The following XRCC1 variants were observed in gnomAD, a reference collection of about 807,000 sequenced individuals.
The protein encoded by XRCC1 is DNA repair protein XRCC1.
In XRCC1, 52 loss-of-function variants were observed where a neutral mutation model predicts 83.3. The ratio of observed to expected loss-of-function variants is 0.62; its 90% CI spans 0.50 to 0.79. XRCC1 has a LOEUF of 0.79. Ranked by LOEUF, XRCC1 falls within the 30% of genes least tolerant of loss-of-function variation. The pLI, the probability that XRCC1 is intolerant of heterozygous loss-of-function variation, is 0.00. For missense variants in XRCC1, 793 were observed against 823.5 expected, an observed-to-expected ratio of 0.96 and a Z score of 0.45; for synonymous variants, 281 against 312.6, an observed-to-expected ratio of 0.90 and a Z score of 1.07.
intron 2 of XRCC1, among the ~76,000 whole-genome samples, chr19:43,569,222 C>T (rs541822311): frequency 2.0e-5 from 3 of 152,068 alleles, no homozygotes; most frequent in African/African-American, 7.2e-5. Flanking sequence ...TCTGTAATCC[C>T]AAGGATTTAA....
intron 10 of XRCC1, among the ~76,000 whole-genome samples, chr19:43,548,336 G>C (rs1030492170): frequency 6.6e-6 from 1 of 152,216 alleles, no homozygotes; most frequent in African/African-American, 2.4e-5. Context: ...ATAGAAAAGG[G>C]GGAAAGGTGG....
At chr19:43,547,018 A>C (rs1972519721) in intron 10 of XRCC1, 41 bp from the exon 11 acceptor site, 2 of 1,597,894 alleles carry the variant, frequency 1.3e-6, no homozygotes, top group Middle Eastern at 1.7e-4. Context: ...GGCCCAAGGG[A>C]AGTGGGGAGG....
At chr19:43,563,271 G>C (rs1972719120) in intron 2 of XRCC1, among the ~76,000 whole-genome samples, 1 of 152,208 alleles carries the variant, frequency 6.6e-6, no homozygotes, top group African/African-American at 2.4e-5. Flanking sequence ...TGAATCGCTT[G>C]AGGTCAGGAG....
At chr19:43,574,013 G>A (rs1009997330) in intron 2 of XRCC1, among the ~76,000 whole-genome samples, 1 of 152,208 alleles carries the variant, frequency 6.6e-6, no homozygotes, top group Non-Finnish European at 1.5e-5. Context: ...GCTAATCCAT[G>A]TGAGTGAGGT....
intron 2 of XRCC1, among the ~76,000 whole-genome samples, chr19:43,567,531 C>T (rs900254404): frequency 6.6e-6 from 1 of 152,058 alleles, no homozygotes; most frequent in African/African-American, 2.4e-5. Context: ...AGCCTAGTCT[C>T]GAATCCCTGA....
Position 43,553,386 on chromosome 19 carries a change from G to A in XRCC1, c.601+15C>T, listed in dbSNP as rs182058904. The A allele has an allele frequency of 1.4e-5, 22 of 1,613,634 alleles. No homozygotes were observed. Among genetic ancestry groups the A allele is most frequent in the East Asian group, 8.9e-5 (4 of 44,870 alleles). On this transcript the variant is annotated intron_variant, in intron 6 of 16. Coordinates refer to ENST00000262887, the MANE Select transcript of XRCC1 (RefSeq NM_006297.3). ...TCAACCCTACTCACTCAGGACCCAC[G>A]TTGTCCGAGCTCACCTGGGGATGTC...
chr19:43,564,143 G>C (rs901454076), intron 2 of XRCC1, among the ~76,000 whole-genome samples: 2 of 152,178 alleles, frequency 1.3e-5, no homozygotes, highest in African/African-American at 4.8e-5. Context: ...CATACCAAGT[G>C]CCTGGAATAC....
At chr19:43,551,871 A>G in intron 9 of XRCC1, 146 bp downstream of exon 9, 1 of 1,092,472 alleles carries the variant, frequency 9.2e-7, no homozygotes, top group South Asian at 1.4e-5. Flanking sequence ...GAGAAGACAA[A>G]GGCTACAGAA....
At chr19:43,546,862 C>G in intron 11 of XRCC1, 22 bp downstream of exon 11, 2 of 1,613,154 alleles carry the variant, frequency 1.2e-6, no homozygotes, top group South Asian at 2.2e-5. Context: ...CACCCTCCCC[C>G]ACTGGACAGG....
intron 16 of XRCC1, 32 bp from the exon 17 acceptor site, chr19:43,543,537 G>A (rs1972476827): frequency 6.2e-7 from 1 of 1,613,256 alleles, no homozygotes; most frequent in Non-Finnish European, 8.5e-7. Flanking sequence ...ATACGGGAAT[G>A]TGTCATCGAG....
At chr19:43,552,535 A>G (rs1257263535) in intron 8 of XRCC1, among the ~76,000 whole-genome samples, 20 of 70,568 alleles carry the variant, frequency 2.8e-4, no homozygotes, top group African/African-American at 6.2e-4. Context: ...AGACCCAGGG[A>G]TCCAGGCCCC....
At chr19:43,556,465 C>G (rs1034004757) in intron 3 of XRCC1, among the ~76,000 whole-genome samples, 1 of 152,168 alleles carries the variant, frequency 6.6e-6, no homozygotes, top group Non-Finnish European at 1.5e-5. Context: ...TCTGTTCTCT[C>G]AAGGAATTGA....
At position 43,544,179 on chromosome 19, in the gene XRCC1, C is replaced by T; in HGVS notation, c.1677G>A (p.Arg559=). 6.2e-7 allele frequency: 1 copy of T among 1,610,816 alleles called. No homozygotes were observed. The highest frequency in any genetic ancestry group is 8.5e-7 in the Non-Finnish European group (1 of 1,178,636). The change falls in exon 15 of 17, where the codon CGG becomes CGA. Residue 559 remains arginine, a synonymous_variant. Coordinates refer to ENST00000262887, the MANE Select transcript of XRCC1 (RefSeq NM_006297.3). ...CTGTGACGTATCGGATGAGTTTCCGCCGCTCGTCCCCAGGGAACTCCCCGT... is the reference window on the plus strand; with the variant it reads ...CTGTGACGTATCGGATGAGTTTCCGTCGCTCGTCCCCAGGGAACTCCCCGT... ...FLYGEFPGDE[R]RKLIRYVTAF...
rs933821959 is a variant in XRCC1 at position 43,570,657 on chromosome 19, C to T, written c.144+4253G>A. Among the ~76,000 whole-genome samples the T allele has an allele frequency of 3.3e-4, 50 of 152,264 alleles. 1 individual carries two copies. Among genetic ancestry groups the T allele is most frequent in the Admixed American group, 1.6e-3 (25 of 15,294 alleles). On this transcript the variant is annotated intron_variant, in intron 2 of 16. Transcript: ENST00000262887. ...AAAATTAGCTGGGCCTGGCGGCACA[C>T]GCCTGTAGTCCCAGCTATCTGGGAG...
chr19:43,559,265 C>T (rs1275116839), intron 3 of XRCC1, among the ~76,000 whole-genome samples: 1 of 151,886 alleles, frequency 6.6e-6, no homozygotes, highest in African/African-American at 2.4e-5. Context: ...GGGCAGATCA[C>T]AAGGTCAGGA....
intron 15 of XRCC1, 48 bp downstream of exon 15, chr19:43,544,096 T>TC (rs1469423547): frequency 6.5e-7 from 1 of 1,528,456 alleles, no homozygotes; most frequent in South Asian, 1.2e-5. Flanking sequence ...CCCTGAGCGT[T>TC]CCCTTGGATC....
intron 12 of XRCC1, 54 bp from the exon 13 acceptor site, chr19:43,546,160 G>A: frequency 1.9e-6 from 3 of 1,597,924 alleles, no homozygotes; most frequent in East Asian, 4.5e-5. Context: ...GGGAAGACTG[G>A]CAGCTCTCCC....
At chr19:43,549,742 G>A (rs1266916675) in intron 10 of XRCC1, among the ~76,000 whole-genome samples, 2 of 148,470 alleles carry the variant, frequency 1.3e-5, no homozygotes, top group African/African-American at 4.9e-5. Flanking sequence ...ATGTTTTGTA[G>A]GGATGGGGTC....
intron 2 of XRCC1, among the ~76,000 whole-genome samples, chr19:43,570,901 C>T (rs922666603): frequency 2.0e-5 from 3 of 152,198 alleles, no homozygotes; most frequent in Non-Finnish European, 4.4e-5. Context: ...AGAGTAACCC[C>T]ACAAATTAGT....
Sources: allele counts gnomAD v4.1 joint callset (sites outside exome capture counted in the v4.1 genomes callset), GRCh38; gene constraint gnomAD v4.1.1; transcripts MANE v1.5; gene names NCBI Gene and HGNC (gene_info 2026-07-23, HGNC 2026-07-21).